Variants in DERA observed in about 807,000 individuals in gnomAD.
The protein encoded by DERA is 2-deoxy-D-ribose 5-phosphate aldolase.
DERA carries 15 observed loss-of-function variants against 41.1 expected under a neutral mutation model. The observed-to-expected ratio is 0.37, with a 90% confidence interval of 0.24 to 0.56. The LOEUF is 0.56. Among genes scored for constraint, DERA ranks in the 20% least tolerant of loss-of-function variants. The probability of loss-of-function intolerance (pLI) is 0.81; values close to 1 mark genes in which losing one functional copy is unlikely to be tolerated. For synonymous variants in DERA, 139 were observed against 137.4 expected, an observed-to-expected ratio of 1.01 and a Z score of -0.08; for missense variants, 396 against 403.4, an observed-to-expected ratio of 0.98 and a Z score of 0.16.
chr12:15,947,514 C>T (rs1029569014), intron 1 of DERA, among the ~76,000 whole-genome samples: 12 of 152,074 alleles, frequency 7.9e-5, no homozygotes, highest in Admixed American at 2.0e-4. Context: ...GTTTTGTCAG[C>T]GAATAGGATT....
chr12:15,949,525 G>A (rs1037849495), intron 1 of DERA, among the ~76,000 whole-genome samples: 5 of 152,168 alleles, frequency 3.3e-5, no homozygotes, highest in African/African-American at 1.2e-4. Flanking sequence ...CTCCTGGTGT[G>A]CCGTTTGCTA....
intron 6 of DERA, among the ~76,000 whole-genome samples, chr12:16,007,640 C>T (rs938094722): frequency 6.6e-6 from 1 of 152,166 alleles, no homozygotes; most frequent in Non-Finnish European, 1.5e-5. Context: ...GCAGGCATGG[C>T]TCTCAAAGAG....
rs1948826912 is a variant in DERA at position 15,994,849 on chromosome 12, A to G, written c.637+12413A>G. 6.6e-6 allele frequency among the ~76,000 whole-genome samples: 1 copy of G among 152,170 alleles called. No homozygotes were observed. The highest frequency in any genetic ancestry group is 2.4e-5 in the African/African-American group (1 of 41,474). On this transcript the variant is annotated intron_variant, in intron 6 of 8. Transcript: ENST00000428559. This position sits in a 1 kb window ranked among gnomAD's most constrained non-coding sequence, Gnocchi z 4.8. ...CTTGATTATGCATATTTATTGAATGAATAAATGAAAAAAGAGTAATAAATC... is the reference window on the plus strand; with the variant it reads ...CTTGATTATGCATATTTATTGAATGGATAAATGAAAAAAGAGTAATAAATC...
intron 1 of DERA, chr12:15,916,392 T>C (rs1226015080): frequency 2.0e-5 from 3 of 152,058 alleles, no homozygotes; most frequent in East Asian, 3.9e-4. Flanking sequence ...TTACCTTTCA[T>C]ACTCCAGTCT....
rs1948545798 is a variant in DERA at position 15,957,045 on chromosome 12, T to G, written c.129+12T>G. Reference sequence around the variant, plus strand: ...AAAAGGAGTGGCAGGTAAGGGTTCTTCTTGAGCATTCTGTGCCTGTATTTT... The same window carrying G: ...AAAAGGAGTGGCAGGTAAGGGTTCTGCTTGAGCATTCTGTGCCTGTATTTT... On this transcript the variant is annotated intron_variant, in intron 2 of 8. Coordinates refer to ENST00000428559, the MANE Select transcript of DERA (RefSeq NM_015954.4). The surrounding 1 kb of genome is among the most constrained non-coding windows in gnomAD (Gnocchi z 4.8). 1 of 1,604,010 alleles carries G rather than the reference T, an allele frequency of 6.2e-7. No homozygotes were observed. Among genetic ancestry groups the G allele is most frequent in the African/African-American group, 1.3e-5 (1 of 74,726 alleles).
intron 7 of DERA, chr12:16,032,959 G>A (rs1225888698): frequency 2.1e-5 from 6 of 281,016 alleles, no homozygotes; most frequent in African/African-American, 9.2e-5. Flanking sequence ...GTTCTTTAAC[G>A]AACTAATTCT....
At chr12:15,926,714 G>A (rs576757971) in intron 1 of DERA, among the ~76,000 whole-genome samples, 12 of 148,532 alleles carry the variant, frequency 8.1e-5, no homozygotes, top group Non-Finnish European at 1.6e-4. Context: ...CCCGCCTGGG[G>A]CGACAGAGCG....
rs1485051482 is a variant in DERA at position 15,928,906 on chromosome 12, C to T, written c.31+17492C>T. ...TTCTGTCCATCATGGTTTTTGTACA[C>T]TTGACCTTACTTTTCTCAGCCTTCT... On this transcript the variant is annotated intron_variant, in intron 1 of 8. Coordinates refer to ENST00000428559, the MANE Select transcript of DERA (RefSeq NM_015954.4). The surrounding 1 kb of genome is among the most constrained non-coding windows in gnomAD (Gnocchi z 4.6). 6.6e-6 allele frequency among the ~76,000 whole-genome samples: 1 copy of T among 152,186 alleles called. No homozygotes were observed. Among genetic ancestry groups the T allele is most frequent in the Non-Finnish European group, 1.5e-5 (1 of 68,038 alleles).
rs545849470 is a variant in DERA at position 15,982,098 on chromosome 12, G to A, written c.509-210G>A. Reference sequence around the variant, plus strand: ...GGACCTCAGGCCAGGGCTTAGAAACGGTTTCATGGTAGCAAACTAAGCATT... The same window carrying A: ...GGACCTCAGGCCAGGGCTTAGAAACAGTTTCATGGTAGCAAACTAAGCATT... On this transcript the variant is annotated intron_variant, in intron 5 of 8. Transcript: ENST00000428559. The surrounding 1 kb of genome is among the most constrained non-coding windows in gnomAD (Gnocchi z 4.0). Among the ~76,000 whole-genome samples the A allele has an allele frequency of 1.3e-5, 2 of 152,250 alleles. No homozygotes were observed. Among genetic ancestry groups the A allele is most frequent in the South Asian group, 2.1e-4 (1 of 4,824 alleles).
In DERA at chr12:15,911,853, T is replaced by C. The variant is rs1948166473; in HGVS notation, c.31+439T>C. ...GATAATTTTAACCGTAACCTTGAAG[T>C]GGCCGTGCTCGTGGAAAAGTTGTCA... On this transcript the variant is annotated intron_variant, in intron 1 of 8. Coordinates refer to ENST00000428559, the MANE Select transcript of DERA (RefSeq NM_015954.4). This position sits in a 1 kb window ranked among gnomAD's most constrained non-coding sequence, Gnocchi z 4.5. The C allele has an allele frequency of 2.3e-6, 1 of 443,110 alleles. No individual in the cohort carries two copies. Among genetic ancestry groups the C allele is most frequent in the African/African-American group, 2.0e-5 (1 of 49,266 alleles). 27.4% of individuals were successfully genotyped at this position (443,110 alleles called of 1,614,324 possible).
chr12:15,927,870 G>A (rs1044955110), intron 1 of DERA, among the ~76,000 whole-genome samples: 4 of 152,094 alleles, frequency 2.6e-5, no homozygotes, highest in African/African-American at 9.7e-5. Flanking sequence ...ACACGGATGA[G>A]ATTTAGATTG....
intron 1 of DERA, 101 bp from the exon 2 acceptor site, chr12:15,956,835 A>G (rs1159102781): frequency 6.9e-6 from 6 of 869,194 alleles, no homozygotes; most frequent in African/African-American, 3.3e-5. Flanking sequence ...AAAAAGGTTG[A>G]TGTCAAATGA....
At chr12:15,979,520 T>C (rs1447842754) in intron 5 of DERA, among the ~76,000 whole-genome samples, 1 of 152,260 alleles carries the variant, frequency 6.6e-6, no homozygotes, top group Non-Finnish European at 1.5e-5. Context: ...AGATTTGGTA[T>C]AACTTTTGAT....
chr12:15,955,739 T>C lies in DERA; in HGVS notation c.32-1197T>C, dbSNP rs781099668. On this transcript the variant is annotated intron_variant, in intron 1 of 8. Coordinates refer to ENST00000428559, the MANE Select transcript of DERA (RefSeq NM_015954.4). ...TTAAGAAGAATGAAATGAAAATGAG[T>C]GAGAGAAAGAATGTCATCTGTAAAC... Among the ~76,000 whole-genome samples, 87 of 152,232 alleles carry C rather than the reference T, an allele frequency of 5.7e-4. 1 individual carries two copies. Among genetic ancestry groups the C allele is most frequent in the Non-Finnish European group, 4.3e-4 (29 of 68,008 alleles).
chr12:16,010,068 G>A lies in DERA; in HGVS notation c.638-22474G>A, dbSNP rs1359212197. On this transcript the variant is annotated intron_variant, in intron 6 of 8. Transcript: ENST00000428559. The surrounding 1 kb of genome is among the most constrained non-coding windows in gnomAD (Gnocchi z 5.5). The stretch of plus-strand genomic sequence containing the variant: ...TTCATCTGAAATATACATGATTACT[G>A]TATGGTTGTGTGTTATTTCCATTTA... 1.3e-5 allele frequency among the ~76,000 whole-genome samples: 2 copies of A among 152,140 alleles called. No individual in the cohort carries two copies. Among genetic ancestry groups the A allele is most frequent in the East Asian group, 1.9e-4 (1 of 5,190 alleles).
intron 1 of DERA, among the ~76,000 whole-genome samples, chr12:15,939,073 G>C (rs1948391608): frequency 6.6e-6 from 1 of 152,136 alleles, no homozygotes; most frequent in African/African-American, 2.4e-5. Flanking sequence ...CAACAATTTT[G>C]GGTGCTCTGA....
chr12:15,959,932 G>A lies in DERA; in HGVS notation c.373+8G>A. 1 of 1,533,282 alleles carries A rather than the reference G, an allele frequency of 6.5e-7. No individual in the cohort carries two copies. The highest frequency in any genetic ancestry group is 8.8e-7 in the Non-Finnish European group (1 of 1,132,754). 95.0% of individuals were successfully genotyped at this position (1,533,282 alleles called of 1,614,324 possible). A position where few individuals can be genotyped will look rare whatever the true frequency, so the allele number is the denominator to read the frequency against. On this transcript the variant is annotated splice_region_variant and intron_variant, in intron 4 of 8. Transcript: ENST00000428559. This position sits in a 1 kb window ranked among gnomAD's most constrained non-coding sequence, Gnocchi z 4.5. Reference sequence around the variant, plus strand: ...ATATCCCTGTGGCATCAGGTAAAATGTGTTGTGGCTTTTGTTGTTATTTTT... The same window carrying A: ...ATATCCCTGTGGCATCAGGTAAAATATGTTGTGGCTTTTGTTGTTATTTTT...
In DERA at chr12:16,010,518, C is replaced by G. The variant is rs1437575840; in HGVS notation, c.638-22024C>G. 6.6e-6 allele frequency among the ~76,000 whole-genome samples: 1 copy of G among 151,744 alleles called. No individual in the cohort carries two copies. Among genetic ancestry groups the G allele is most frequent in the Non-Finnish European group, 1.5e-5 (1 of 67,970 alleles). On this transcript the variant is annotated intron_variant, in intron 6 of 8. Transcript: ENST00000428559. The surrounding 1 kb of genome is among the most constrained non-coding windows in gnomAD (Gnocchi z 5.5). ...GCATATACTGCTTTTGTTGAGGAAT[C>G]AAGGTCTCCGGTGGTCGCCAAGTGA...
chr12:15,916,442 G>GTTTC (rs1263622437), intron 1 of DERA: 7 of 135,798 alleles, frequency 5.2e-5, no homozygotes, highest in African/African-American at 2.0e-4. Context: ...AACCAATACT[G>GTTTC]TTTCTTTTTT....
Sources: gnomAD v4.1 joint callset for allele counts (sites outside exome capture counted in the v4.1 genomes callset) on GRCh38, gnomAD v4.1.1 for gene constraint, Gnocchi (gnomAD v3.1) non-coding constraint, MANE v1.5 for transcripts, NCBI Gene and HGNC (gene_info 2026-07-23, HGNC 2026-07-21) for gene names.